The following TTL variants were observed in gnomAD, a reference collection of about 807,000 sequenced individuals.
TTL encodes the protein tubulin tyrosine ligase, also known as tubulin--tyrosine ligase.
Under a neutral mutation model 41.1 loss-of-function variants are expected in TTL, and 10 were observed. The observed-to-expected ratio is 0.24, with a 90% CI of 0.15 to 0.41. TTL has a LOEUF of 0.41. TTL is among the 10% of genes least tolerant of loss of function. The pLI, the probability that TTL is intolerant of heterozygous loss-of-function variation, is 1.00. For missense variants in TTL, 367 were observed against 460.4 expected (o/e 0.80, Z 1.86); for synonymous variants, 175 against 175.5 (o/e 1.00, Z 0.02).
intron 5 of TTL, among the ~76,000 whole-genome samples, chr2:112,512,811 G>A (rs1163392537): frequency 6.6e-6 from 1 of 152,052 alleles, no homozygotes. Flanking sequence ...CTTATTATTT[G>A]TTGTCTGTCC....
intron 5 of TTL, among the ~76,000 whole-genome samples, chr2:112,509,925 T>C (rs1392718208): frequency 6.6e-6 from 1 of 152,224 alleles, no homozygotes; most frequent in Non-Finnish European, 1.5e-5. Context: ...TAAGCCACCA[T>C]GCCTGGCTAA....
chr2:112,522,824 G>C (rs1682277299), intron 6 of TTL, among the ~76,000 whole-genome samples: 1 of 152,098 alleles, frequency 6.6e-6, no homozygotes, highest in South Asian at 2.1e-4. Flanking sequence ...CTAGCCTCCG[G>C]AGTCCTTTGC....
chr2:112,520,537 T>TGAGGGAG, intron 6 of TTL, 112 bp downstream of exon 6: 1 of 1,428,224 alleles, frequency 7.0e-7, no homozygotes, highest in African/African-American at 1.4e-5. Context: ...GATGCCACAG[T>TGAGGGAG]GATAGGAGAC....
In TTL at chr2:112,503,151, G is replaced by A; in HGVS notation, c.845G>A (p.Ser282Asn). The A allele has an allele frequency of 1.9e-6, 3 of 1,606,264 alleles. No individual in the cohort carries two copies. The South Asian group carries it at 3.3e-5, about 18-fold the overall frequency. Residue 282 changes from serine to asparagine, a missense_variant, in exon 5 of 7, where the codon AGT becomes AAT. Coordinates refer to ENST00000233336, the MANE Select transcript of TTL (RefSeq NM_153712.5). ...TSALNITLES[S>N]ILLQIKHIIR... is the part of the protein sequence containing the mutation. ...GCTTTGAACATTACCCTAGAAAGTAGTATCTTACTACAAATCAAACATATA... is the reference window on the plus strand; with the variant it reads ...GCTTTGAACATTACCCTAGAAAGTAATATCTTACTACAAATCAAACATATA...
rs754081587 is a variant in TTL at position 112,536,393 on chromosome 2, AAC to A, written c.*7602_*7603del. The A allele has an allele frequency of 2.0e-5, 3 of 152,184 alleles. No homozygotes were observed. The highest frequency in any genetic ancestry group is 4.4e-5 in the Non-Finnish European group (3 of 68,050). 9.4% of individuals were successfully genotyped at this position (152,184 alleles called of 1,614,324 possible). A position where few individuals can be genotyped will look rare whatever the true frequency, so the allele number is the denominator to read the frequency against. On this transcript the variant is annotated 3_prime_UTR_variant, in exon 7 of 7. Transcript: ENST00000233336. ...TGGCAAAACACACTTTAGATTCAAA[AAC>A]ACAAACAGGTTGAAAGTAAAATGAT... is the stretch of plus-strand genomic sequence containing the variant.
chr2:112,526,280 G>A (rs377548121), intron 6 of TTL, among the ~76,000 whole-genome samples: 29 of 152,196 alleles, frequency 1.9e-4, no homozygotes, highest in African/African-American at 5.8e-4. Context: ...AGGCTTTGGT[G>A]TCAGGATGAT....
At chr2:112,498,350 A>G (rs1024564282) in intron 3 of TTL, among the ~76,000 whole-genome samples, 3 of 152,140 alleles carry the variant, frequency 2.0e-5, no homozygotes, top group African/African-American at 7.2e-5. Flanking sequence ...CTACAGTACT[A>G]CTTACAGTCA....
chr2:112,502,067 A>G (rs1013073339), intron 4 of TTL, among the ~76,000 whole-genome samples: 1 of 152,136 alleles, frequency 6.6e-6, no homozygotes, highest in Non-Finnish European at 1.5e-5. Flanking sequence ...TTTTATGACC[A>G]CACCTCAGGG....
In TTL at chr2:112,493,718, C is replaced by T. The variant is rs193008420; in HGVS notation, c.237-425C>T. Among the ~76,000 whole-genome samples, 22 of 152,330 alleles carry T rather than the reference C, an allele frequency of 1.4e-4. No homozygotes were observed. In the East Asian group the frequency reaches 3.1e-3, roughly 21 times the overall value. ...AGTCTTTAGATAATTCAGATTCCTA[C>T]GTAGCCTTTTCTCCCATAGAGAGTT... is the stretch of plus-strand genomic sequence containing the variant. On this transcript the variant is annotated intron_variant, in intron 2 of 6. Transcript: ENST00000233336.
chr2:112,482,388 C>T lies in TTL; in HGVS notation c.44C>T (p.Ala15Val). ...CGCGATGAGAACAGCAGCGTCTACG[C>T]CGAGGTCTCCCGGCTGCTCCTCGCC... ...VVRDENSSVY[A>V]EVSRLLLATG... The change falls in exon 1 of 7, where the codon GCC becomes GTC. Residue 15 changes from alanine to valine, a missense_variant. Transcript: ENST00000233336. The surrounding 1 kb of genome is among the most constrained non-coding windows in gnomAD (Gnocchi z 5.3). 1 of 1,594,418 alleles carries T rather than the reference C, an allele frequency of 6.3e-7. No homozygotes were observed. Among genetic ancestry groups the T allele is most frequent in the Non-Finnish European group, 8.5e-7 (1 of 1,171,534 alleles).
chr2:112,521,871 G>A (rs572558329), intron 6 of TTL, among the ~76,000 whole-genome samples: 2 of 152,354 alleles, frequency 1.3e-5, no homozygotes, highest in Admixed American at 1.3e-4. Flanking sequence ...GATGGGAAGT[G>A]ATGTTGGAAC....
intron 3 of TTL, among the ~76,000 whole-genome samples, chr2:112,499,458 A>G (rs573782482): frequency 4.5e-4 from 69 of 152,312 alleles, no homozygotes; most frequent in South Asian, 1.7e-3. Flanking sequence ...GTGGATATCA[A>G]CAGGCAGAAA....
Position 112,521,373 on chromosome 2 carries a change from G to T in TTL, c.1019+948G>T, listed in dbSNP as rs75132408. 1,793 of 985,226 alleles carry T rather than the reference G, an allele frequency of 1.8e-3. 33 individuals carry two copies. The African/African-American group carries it at 0.029, about 16-fold the overall frequency. The allele number at this position is 985,226 out of a possible 1,614,324, so 61.0% of individuals were successfully genotyped here. ...GAGGACCTTCTGTGGAAGGCCTTAC[G>T]TGTCAGGGAAAGTCACTCGGACTCA... On this transcript the variant is annotated intron_variant, in intron 6 of 6. Coordinates refer to ENST00000233336, the MANE Select transcript of TTL (RefSeq NM_153712.5).
intron 3 of TTL, among the ~76,000 whole-genome samples, chr2:112,499,192 G>A (rs918315228): frequency 6.6e-6 from 1 of 152,124 alleles, no homozygotes; most frequent in Non-Finnish European, 1.5e-5. Context: ...GCGCATGCCT[G>A]TACTTTCAGC....
At chr2:112,490,249 C>G (rs1191399161) in intron 2 of TTL, among the ~76,000 whole-genome samples, 1 of 152,008 alleles carries the variant, frequency 6.6e-6, no homozygotes, top group Non-Finnish European at 1.5e-5. Flanking sequence ...AACCCTGCCT[C>G]TTCCAAATAC....
At chr2:112,520,473 C>T in intron 6 of TTL, 48 bp downstream of exon 6, 1 of 1,604,254 alleles carries the variant, frequency 6.2e-7, no homozygotes, top group Non-Finnish European at 8.5e-7. Flanking sequence ...GTTGGTTCTG[C>T]AGTTGGGATA....
rs994761220 is a variant in TTL at position 112,535,540 on chromosome 2, T to TA, written c.*6751dup. The TA allele has an allele frequency of 6.7e-6, 1 of 148,190 alleles. No individual in the cohort carries two copies. The highest frequency in any genetic ancestry group is 2.5e-5 in the African/African-American group (1 of 39,774). 9.2% of individuals were successfully genotyped at this position (148,190 alleles called of 1,614,324 possible). A position where few individuals can be genotyped will look rare whatever the true frequency, so the allele number is the denominator to read the frequency against. Reference sequence around the variant, plus strand: ...TAAGTAAATAATTTTAAATATATAGTAAAAAATGACAAGGAAACAGAAATG... The same window carrying TA: ...TAAGTAAATAATTTTAAATATATAGTAAAAAAATGACAAGGAAACAGAAATG... On this transcript the variant is annotated 3_prime_UTR_variant, in exon 7 of 7. Transcript: ENST00000233336.
At position 112,536,045 on chromosome 2, in the gene TTL, G is replaced by A. The variant is rs12988536; in HGVS notation, c.*7250G>A. On this transcript the variant is annotated 3_prime_UTR_variant, in exon 7 of 7. Coordinates refer to ENST00000233336, the MANE Select transcript of TTL (RefSeq NM_153712.5). ...CCTGGCTAATTTCACTTCACATAAC[G>A]ATCTTCAGTTCCATCCATGTTGTTG... 0.098 allele frequency: 14,850 copies of A among 152,092 alleles called. 945 individuals carry two copies. The highest frequency in any genetic ancestry group is 0.18 in the South Asian group (876 of 4,812). 9.4% of individuals were successfully genotyped at this position (152,092 alleles called of 1,614,324 possible).
At chr2:112,523,344 G>GTGTGTT (rs1257587985) in intron 6 of TTL, among the ~76,000 whole-genome samples, 1 of 56,508 alleles carries the variant, frequency 1.8e-5, no homozygotes, top group East Asian at 7.1e-4. Flanking sequence ...GTGGGTGTGT[G>GTGTGTT]TGTGTCTGTG....
Sources: gnomAD v4.1 joint callset for allele counts (sites outside exome capture counted in the v4.1 genomes callset) on GRCh38, gnomAD v4.1.1 for gene constraint, Gnocchi (gnomAD v3.1) non-coding constraint, MANE v1.5 for transcripts, NCBI Gene and HGNC (gene_info 2026-07-23, HGNC 2026-07-21) for gene names.